The following SPHKAP variants were observed in gnomAD, a reference collection of about 807,000 sequenced individuals.
SPHKAP encodes A-kinase anchor protein SPHKAP.
A neutral mutation model predicts 137.5 loss-of-function variants in SPHKAP; 67 were observed. The ratio of observed to expected loss-of-function variants is 0.49; its 90% CI spans 0.40 to 0.60. The LOEUF is 0.60. SPHKAP is among the 20% of genes least tolerant of loss of function. The pLI is 0.00. For missense variants in SPHKAP, 2,097 were observed against 2,069.3 expected, an observed-to-expected ratio of 1.01 and a Z score of -0.26; for synonymous variants, 813 against 785.3, an observed-to-expected ratio of 1.04 and a Z score of -0.59.
chr2:228,015,933 T>C (rs921002157), intron 7 of SPHKAP, among the ~76,000 whole-genome samples: 12 of 152,230 alleles, frequency 7.9e-5, no homozygotes, highest in African/African-American at 2.9e-4. Flanking sequence ...ATGAATAAGT[T>C]GCATCATTTA....
chr2:228,159,446 G>A (rs145663213), intron 1 of SPHKAP, among the ~76,000 whole-genome samples: 38 of 152,154 alleles, frequency 2.5e-4, no homozygotes, highest in African/African-American at 6.7e-4. Flanking sequence ...TGGAAACAAC[G>A]CACCCACAGA....
chr2:228,040,128 G>A (rs1368962880), intron 3 of SPHKAP, among the ~76,000 whole-genome samples: 1 of 152,040 alleles, frequency 6.6e-6, no homozygotes, highest in African/African-American at 2.4e-5. Flanking sequence ...TAAAATCTAG[G>A]CATTTGAATG....
Position 228,016,411 on chromosome 2 carries a change from G to C in SPHKAP, c.4443C>G (p.Ile1481Met). The change falls in exon 7 of 12, where the codon ATC becomes ATG. Residue 1481 changes from isoleucine to methionine, a missense_variant. Transcript: ENST00000392056. ...GGDTAVSACQIHSDSLDTRDV... is the reference protein window; with the variant it reads ...GGDTAVSACQMHSDSLDTRDV... The stretch of plus-strand genomic sequence containing the variant: ...GTCTGAGACGATTCACTCACCTATG[G>C]ATTTGACAAGCGCTCACGGCTGTGT... The C allele has an allele frequency of 6.3e-7, 1 of 1,588,166 alleles. No homozygotes were observed. The highest frequency in any genetic ancestry group is 8.5e-7 in the Non-Finnish European group (1 of 1,170,146).
chr2:228,089,382 T>G (rs569600764), intron 3 of SPHKAP, among the ~76,000 whole-genome samples: 1 of 152,320 alleles, frequency 6.6e-6, no homozygotes, highest in East Asian at 1.9e-4. Flanking sequence ...TCTAACAGCC[T>G]ACAGTTAGAT....
Position 228,020,166 on chromosome 2 carries a change from A to G in SPHKAP, c.698-10T>C. 3 of 1,572,282 alleles carry G rather than the reference A, an allele frequency of 1.9e-6. No homozygotes were observed. The highest frequency in any genetic ancestry group is 2.2e-5 in the East Asian group (1 of 44,694). ...TTTATATTTTCATAATCTAGTGAGG[A>G]GAAAATGAGGGGCACTATTACTTTT... On this transcript the variant is annotated splice_polypyrimidine_tract_variant and intron_variant, in intron 6 of 11. Transcript: ENST00000392056.
In SPHKAP at chr2:228,102,965, G is replaced by A. The variant is rs145883326; in HGVS notation, c.246+5867C>T. Among the ~76,000 whole-genome samples the A allele has an allele frequency of 2.7e-3, 415 of 152,118 alleles. 2 individuals are homozygous for A. The highest frequency in any genetic ancestry group is 9.5e-3 in the African/African-American group (395 of 41,500). On this transcript the variant is annotated intron_variant, in intron 3 of 11. Transcript: ENST00000392056. ...TGTTTCTTTTGCCCAGGCTGGCCTC[G>A]AACTCCTGGGCTCAAGCAATCCTTC...
chr2:228,121,285 G>A (rs1042113408), intron 2 of SPHKAP, among the ~76,000 whole-genome samples: 5 of 152,158 alleles, frequency 3.3e-5, no homozygotes, highest in Non-Finnish European at 7.3e-5. Flanking sequence ...CGAGGCAGGA[G>A]GATGACTTGA....
At chr2:228,089,843 G>A (rs1697663775) in intron 3 of SPHKAP, among the ~76,000 whole-genome samples, 2 of 152,312 alleles carry the variant, frequency 1.3e-5, no homozygotes, top group South Asian at 2.1e-4. Context: ...TGCACAGAAT[G>A]CAACAGTGAA....
chr2:228,082,702 A>T (rs1312504671), intron 3 of SPHKAP, among the ~76,000 whole-genome samples: 1 of 152,176 alleles, frequency 6.6e-6, no homozygotes, highest in Non-Finnish European at 1.5e-5. Context: ...CCCTGGGTGG[A>T]TTATTCTTGG....
chr2:228,021,534 T>C (rs987886935), intron 6 of SPHKAP, among the ~76,000 whole-genome samples, 177 bp downstream of exon 6: 5 of 152,134 alleles, frequency 3.3e-5, no homozygotes, highest in South Asian at 4.1e-4. Context: ...GCTAAGTGAG[T>C]TTGTCAGTAT....
intron 1 of SPHKAP, among the ~76,000 whole-genome samples, chr2:228,177,487 C>A (rs950626700): frequency 6.6e-6 from 1 of 152,114 alleles, no homozygotes; most frequent in African/African-American, 2.4e-5. Flanking sequence ...GTCCCTGTTC[C>A]TCAACTTAAG....
chr2:228,104,819 C>T (rs1698289435), intron 3 of SPHKAP, among the ~76,000 whole-genome samples: 1 of 152,024 alleles, frequency 6.6e-6, no homozygotes, highest in African/African-American at 2.4e-5. Context: ...CTGACAGTAA[C>T]TATGAATAGA....
chr2:228,149,388 A>G (rs1384375697), intron 1 of SPHKAP, among the ~76,000 whole-genome samples: 5 of 152,244 alleles, frequency 3.3e-5, no homozygotes, highest in African/African-American at 9.6e-5. Context: ...AGTGAATAAG[A>G]TGTAGTCAGT....
rs370929407 is a variant in SPHKAP, at chr2:228,165,992, C to T, written c.32+15575G>A. On this transcript the variant is annotated intron_variant, in intron 1 of 11. Coordinates refer to ENST00000392056, the MANE Select transcript of SPHKAP (RefSeq NM_001142644.2). ...CCAAAAAAAGAAGAAAGTAACATTA[C>T]GGAACTCTTTAATCACATGTCAAAC... 1.2e-3 allele frequency among the ~76,000 whole-genome samples: 180 copies of T among 152,264 alleles called. 2 individuals are homozygous for T. Among genetic ancestry groups the T allele is most frequent in the South Asian group, 0.011 (52 of 4,822 alleles).
intron 6 of SPHKAP, chr2:228,020,391 A>G (rs1057407308): frequency 1.1e-5 from 2 of 182,646 alleles, no homozygotes; most frequent in Non-Finnish European, 2.1e-5. Context: ...GCAGCCATAA[A>G]AAAAGGATGA....
chr2:228,117,489 G>A (rs1698749859), intron 2 of SPHKAP, among the ~76,000 whole-genome samples: 2 of 152,144 alleles, frequency 1.3e-5, no homozygotes, highest in Non-Finnish European at 2.9e-5. Flanking sequence ...AGACTGCGAT[G>A]TGAGTGGCTC....
intron 3 of SPHKAP, among the ~76,000 whole-genome samples, chr2:228,077,929 C>T (rs34375162): frequency 0.14 from 21,590 of 152,070 alleles, 1,615 homozygotes; most frequent in Non-Finnish European, 0.17. Context: ...ATTATGGGAG[C>T]GGGTCTTTCC....
chr2:228,061,456 G>A (rs1342875206), intron 3 of SPHKAP, among the ~76,000 whole-genome samples: 1 of 151,892 alleles, frequency 6.6e-6, no homozygotes, highest in Non-Finnish European at 1.5e-5. Context: ...ATTTTTAGTA[G>A]AGACGGGATT....
rs1187274684 is a variant in SPHKAP, at chr2:228,078,760, A to G, written c.246+30072T>C. ...AGGACAGTGTGACATTACTCACATC[A>G]CCCAACTCCAGGCAGCATAGAGTGG... On this transcript the variant is annotated intron_variant, in intron 3 of 11. Transcript: ENST00000392056. Among the ~76,000 whole-genome samples, 4 of 152,260 alleles carry G rather than the reference A, an allele frequency of 2.6e-5. No homozygotes were observed. In the East Asian group the frequency reaches 7.7e-4, roughly 29 times the overall value.
Sources: gnomAD v4.1 joint callset for allele counts (sites outside exome capture counted in the v4.1 genomes callset) on GRCh38, gnomAD v4.1.1 for gene constraint, MANE v1.5 for transcripts, NCBI Gene and HGNC (gene_info 2026-07-23, HGNC 2026-07-21) for gene names.